Variants in PCDHGB1 observed in about 807,000 individuals in gnomAD.
The protein encoded by PCDHGB1 is protocadherin gamma-B1.
In PCDHGB1, 34 loss-of-function variants were observed where a neutral mutation model predicts 56.6. The observed-to-expected ratio is 0.60, with a 90% confidence interval of 0.46 to 0.80. The LOEUF (loss-of-function observed/expected upper bound fraction) is 0.80. Among genes scored for constraint, PCDHGB1 ranks in the 30% least tolerant of loss-of-function variants. The probability of loss-of-function intolerance (pLI) is 0.00; values close to 1 mark genes in which losing one functional copy is unlikely to be tolerated. For missense variants in PCDHGB1, 1,278 were observed against 1,204.6 expected (o/e 1.06, Z -0.90); for synonymous variants, 561 against 505.9 (o/e 1.11, Z -1.46).
chr5:141,352,377 C>G lies in PCDHGB1; in HGVS notation c.2117C>G (p.Ala706Gly), dbSNP rs1324121719. The G allele has an allele frequency of 6.2e-7, 1 of 1,614,038 alleles. No homozygotes were observed. Among genetic ancestry groups the G allele is most frequent in the Non-Finnish European group, 8.5e-7 (1 of 1,179,902 alleles). Residue 706 changes from alanine (A) to glycine (G), a missense_variant, in exon 1 of 4, where the codon GCG (alanine) becomes GGG (glycine). Transcript: ENST00000523390. ...SVLFLLAVIL[A>G]IALRLRRSSS... ...CTCTTTCTCCTCGCGGTGATTCTAG[C>G]GATCGCCCTGCGCCTGCGACGTTCC...
chr5:141,383,714 G>T (rs1561598272), intron 1 of PCDHGB1: 3 of 1,613,972 alleles, frequency 1.9e-6, no homozygotes, highest in Middle Eastern at 1.6e-4. Context: ...CTGGACGAGG[G>T]AGTCAATGGG....
intron 1 of PCDHGB1, chr5:141,360,682 A>G: frequency 1.2e-6 from 2 of 1,614,012 alleles, no homozygotes; most frequent in Non-Finnish European, 1.7e-6. Context: ...TCTCGCTGAG[A>G]AACAGACTCC....
intron 1 of PCDHGB1, among the ~76,000 whole-genome samples, chr5:141,469,642 A>G (rs1339074059): frequency 2.0e-5 from 3 of 152,244 alleles, no homozygotes; most frequent in Admixed American, 6.5e-5. Flanking sequence ...AAATATTTTG[A>G]TGACATAATT....
At chr5:141,441,962 G>A in intron 1 of PCDHGB1, 1 of 313,768 alleles carries the variant, frequency 3.2e-6, no homozygotes, top group Admixed American at 4.1e-5. Context: ...AGCAAGCCCA[G>A]GCTCTTCAGC....
intron 1 of PCDHGB1, chr5:141,430,848 A>G (rs780445178): frequency 1.3e-6 from 2 of 1,581,028 alleles, no homozygotes; most frequent in Admixed American, 1.8e-5. Flanking sequence ...GGATGCACCC[A>G]GATACGCTAT....
chr5:141,398,011 T>A lies in PCDHGB1; in HGVS notation c.2409+45342T>A, dbSNP rs531266866. On this transcript the variant is annotated intron_variant, in intron 1 of 3. Coordinates refer to ENST00000523390, the MANE Select transcript of PCDHGB1 (RefSeq NM_018922.3). ...CGCTTCCTCCTCGGAAAAAGAATCG[T>A]TTCCTAAACTGGAACTGGAACTAAA... The A allele has an allele frequency of 2.7e-5, 38 of 1,413,006 alleles. No homozygotes were observed. In the African/African-American group the frequency reaches 4.3e-4, roughly 16 times the overall value. 87.5% of individuals were successfully genotyped at this position (1,413,006 alleles called of 1,614,324 possible). A position where few individuals can be genotyped will look rare whatever the true frequency, so the allele number is the denominator to read the frequency against.
intron 1 of PCDHGB1, chr5:141,418,604 G>C: frequency 6.2e-7 from 1 of 1,614,040 alleles, no homozygotes; most frequent in African/African-American, 1.3e-5. Context: ...CGTGTACAGG[G>C]TTAGCCTTCG....
chr5:141,405,800 C>T (rs1034546914), intron 1 of PCDHGB1, among the ~76,000 whole-genome samples: 11 of 147,346 alleles, frequency 7.5e-5, no homozygotes, highest in African/African-American at 2.5e-4. Flanking sequence ...TTATAGTTAG[C>T]TTTCTCTTTA....
chr5:141,503,418 A>G (rs1037754214), intron 2 of PCDHGB1, among the ~76,000 whole-genome samples: 1 of 151,528 alleles, frequency 6.6e-6, no homozygotes, highest in Admixed American at 6.6e-5. Context: ...AATATGGTGA[A>G]ACCCCATCTC....
In PCDHGB1 at chr5:141,485,701, A is replaced by G. The variant is rs747748476; in HGVS notation, c.2410-9106A>G. The G allele has an allele frequency of 1.9e-6, 3 of 1,614,104 alleles. No homozygotes were observed. Among genetic ancestry groups the G allele is most frequent in the Non-Finnish European group, 2.5e-6 (3 of 1,180,010 alleles). On this transcript the variant is annotated intron_variant, in intron 1 of 3. Transcript: ENST00000523390. The surrounding 1 kb of genome is among the most constrained non-coding windows in gnomAD (Gnocchi z 5.7). ...GCAGCTATAGGCTGAGCTCCAATGAACACTTTGCACTGGATGTGAAGAAGC... is the reference window on the plus strand; with the variant it reads ...GCAGCTATAGGCTGAGCTCCAATGAGCACTTTGCACTGGATGTGAAGAAGC...
At chr5:141,408,962 A>G (rs1561716536) in intron 1 of PCDHGB1, 3 of 1,613,638 alleles carry the variant, frequency 1.9e-6, no homozygotes, top group Admixed American at 3.3e-5. Flanking sequence ...TCTTAGTGAA[A>G]ATCTGCCCCC....
At chr5:141,408,885 T>C (rs1263835706) in intron 1 of PCDHGB1, 3 of 1,612,902 alleles carry the variant, frequency 1.9e-6, no homozygotes, top group East Asian at 2.2e-5. Flanking sequence ...ACCGCTCACA[T>C]AGAAATTTCT....
At chr5:141,452,000 A>G (rs2098730428) in intron 1 of PCDHGB1, among the ~76,000 whole-genome samples, 1 of 152,198 alleles carries the variant, frequency 6.6e-6, no homozygotes, top group Admixed American at 6.5e-5. Flanking sequence ...AAGCAAAATC[A>G]CTTGGTCCAG....
At chr5:141,373,914 G>C (rs1769957437) in intron 1 of PCDHGB1, 1 of 640,042 alleles carries the variant, frequency 1.6e-6, no homozygotes, top group African/African-American at 1.9e-5. Flanking sequence ...CAACAACAAA[G>C]CAAATTAGAC....
intron 1 of PCDHGB1, among the ~76,000 whole-genome samples, chr5:141,467,441 T>C (rs919148544): frequency 6.6e-6 from 1 of 152,340 alleles, no homozygotes; most frequent in African/African-American, 2.4e-5. Context: ...CATTCATTAC[T>C]TTTTTCTTCC....
rs146243220 is a variant in PCDHGB1, at chr5:141,351,894, G to A, written c.1634G>A (p.Arg545His). The A allele has an allele frequency of 6.2e-7, 1 of 1,613,426 alleles. No homozygotes were observed. The highest frequency in any genetic ancestry group is 8.5e-7 in the Non-Finnish European group (1 of 1,179,744). The change falls in exon 1 of 4, where the codon CGC becomes CAC. Residue 545 changes from arginine (R) to histidine (H), a missense_variant. Arg to His is a conservative substitution (Grantham distance 29). Coordinates refer to ENST00000523390, the MANE Select transcript of PCDHGB1 (RefSeq NM_018922.3). Reference sequence around the variant, plus strand: ...GCGCTCAGCGCCAACGTGAGCCTGCGCGTGTTGGTGGGCGACCTCAATGAC... The same window carrying A: ...GCGCTCAGCGCCAACGTGAGCCTGCACGTGTTGGTGGGCGACCTCAATGAC... Reference protein sequence around the residue: ...SPALSANVSLRVLVGDLNDNA... With the variant: ...SPALSANVSLHVLVGDLNDNA...
intron 1 of PCDHGB1, chr5:141,410,354 T>C (rs2095384532): frequency 3.7e-6 from 6 of 1,614,048 alleles, no homozygotes; most frequent in Non-Finnish European, 5.1e-6. Context: ...CCTGCGACGC[T>C]CTCTCAGCCC....
chr5:141,398,088 C>T lies in PCDHGB1; in HGVS notation c.2409+45419C>T, dbSNP rs781722295. On this transcript the variant is annotated intron_variant, in intron 1 of 3. Coordinates refer to ENST00000523390, the MANE Select transcript of PCDHGB1 (RefSeq NM_018922.3). ...AATACAGAGGTTATTTGTAACCTGGCGTCTCCAGGCTGGTGAGCAAGCTGA... is the reference window on the plus strand; with the variant it reads ...AATACAGAGGTTATTTGTAACCTGGTGTCTCCAGGCTGGTGAGCAAGCTGA... The T allele has an allele frequency of 1.1e-5, 18 of 1,598,420 alleles. 1 individual carries two copies. In the South Asian group the frequency reaches 1.9e-4, roughly 17 times the overall value.
At chr5:141,478,884 C>A in intron 1 of PCDHGB1, 1 of 1,194,298 alleles carries the variant, frequency 8.4e-7, no homozygotes, top group Non-Finnish European at 1.1e-6. Flanking sequence ...AGCTTGGTAT[C>A]ATTTACATTA....
Sources: allele counts gnomAD v4.1 joint callset (sites outside exome capture counted in the v4.1 genomes callset), GRCh38; gene constraint gnomAD v4.1.1; non-coding constraint Gnocchi (gnomAD v3.1); transcripts MANE v1.5; gene names NCBI Gene and HGNC (gene_info 2026-07-23, HGNC 2026-07-21).